The following AGMO variants were observed in gnomAD, a reference collection of about 807,000 sequenced individuals.
AGMO encodes glyceryl-ether monooxygenase.
AGMO carries 75 observed loss-of-function variants against 60.2 expected under a neutral mutation model. That is an observed-to-expected ratio of 1.25 (90% CI 1.03 to 1.51). AGMO has a LOEUF of 1.51. Among genes scored for constraint, AGMO ranks in the 40% most tolerant of loss-of-function variants. The pLI, the probability that AGMO is intolerant of heterozygous loss-of-function variation, is 0.00. For synonymous variants in AGMO, 261 were observed against 177.1 expected, an observed-to-expected ratio of 1.47 and a Z score of -3.76; for missense variants, 763 against 525.5, an observed-to-expected ratio of 1.45 and a Z score of -4.42.
chr7:15,330,071 T>G (rs539841298), intron 12 of AGMO, among the ~76,000 whole-genome samples: 191 of 151,100 alleles, frequency 1.3e-3, no homozygotes, highest in African/African-American at 4.5e-3. Flanking sequence ...TCTTTTTTCT[T>G]TCTATCTCTA....
At chr7:15,450,418 T>C (rs1781827823) in intron 3 of AGMO, among the ~76,000 whole-genome samples, 2 of 138,950 alleles carry the variant, frequency 1.4e-5, no homozygotes, top group African/African-American at 5.4e-5. Flanking sequence ...AGTCTCCATC[T>C]CAAAAAAAAA....
At chr7:15,551,236 C>T (rs1405335305) in intron 2 of AGMO, among the ~76,000 whole-genome samples, 1 of 152,112 alleles carries the variant, frequency 6.6e-6, no homozygotes, top group Non-Finnish European at 1.5e-5. Context: ...AAACTGGAAG[C>T]ATTCCCTTTG....
intron 5 of AGMO, among the ~76,000 whole-genome samples, chr7:15,406,286 G>GTGTGTATATATATGGAATATATATATATA (rs1784684640): frequency 2.1e-5 from 3 of 143,518 alleles, no homozygotes; most frequent in Non-Finnish European, 3.0e-5. Flanking sequence ...GTACACATAT[G>GTGTGTATATATATGGAATATATATATATA]TGTGTATATA....
At chr7:15,333,093 T>G (rs373010094) in intron 12 of AGMO, among the ~76,000 whole-genome samples, 7 of 152,262 alleles carry the variant, frequency 4.6e-5, no homozygotes, top group African/African-American at 1.7e-4. Context: ...CATAATATCC[T>G]GCGCTAATGT....
At chr7:15,415,238 A>G (rs2128493402) in intron 5 of AGMO, among the ~76,000 whole-genome samples, 1 of 152,020 alleles carries the variant, frequency 6.6e-6, no homozygotes, top group Non-Finnish European at 1.5e-5. Context: ...CTGGGACTAC[A>G]GGCACCCGCC....
intron 12 of AGMO, among the ~76,000 whole-genome samples, chr7:15,287,110 C>T (rs185025461): frequency 1.3e-5 from 2 of 152,216 alleles, no homozygotes; most frequent in Admixed American, 1.3e-4. Context: ...TAGAAAACTA[C>T]ATACTGGGTA....
At chr7:15,177,181 A>T in the AGMO span, among the ~76,000 whole-genome samples, 1 of 152,122 alleles carries the variant, frequency 6.6e-6, no homozygotes, top group South Asian at 2.1e-4. Flanking sequence ...ATTAAAGGGC[A>T]TAGCTACATT....
intron 2 of AGMO, among the ~76,000 whole-genome samples, chr7:15,551,515 A>T (rs1176568333): frequency 7.3e-6 from 1 of 137,598 alleles, no homozygotes; most frequent in Non-Finnish European, 1.5e-5. Context: ...GCATTCTTAT[A>T]CACCAACAAC....
intron 12 of AGMO, among the ~76,000 whole-genome samples, chr7:15,316,154 A>G (rs1780918213): frequency 6.6e-6 from 1 of 152,162 alleles, no homozygotes; most frequent in Non-Finnish European, 1.5e-5. Flanking sequence ...GCATCTTGGT[A>G]TTGGAGTTGC....
chr7:15,429,008 C>T (rs533190887), intron 4 of AGMO, among the ~76,000 whole-genome samples: 2 of 152,158 alleles, frequency 1.3e-5, no homozygotes, highest in Middle Eastern at 3.4e-3. Context: ...TCCTCCATCA[C>T]GTGCCCTGTT....
the AGMO span, among the ~76,000 whole-genome samples, chr7:15,188,050 AAT>A: frequency 6.6e-6 from 1 of 152,148 alleles, no homozygotes; most frequent in African/African-American, 2.4e-5. Context: ...CAAGCTTGCA[AAT>A]GAGACCCGCT....
chr7:15,361,456 C>G (rs1326005964), intron 12 of AGMO, among the ~76,000 whole-genome samples: 2 of 146,764 alleles, frequency 1.4e-5, no homozygotes, highest in Non-Finnish European at 3.0e-5. Context: ...GGGAGAATGG[C>G]GTGAACCTGG....
At chr7:15,536,225 A>G (rs928595212) in intron 3 of AGMO, among the ~76,000 whole-genome samples, 2 of 151,926 alleles carry the variant, frequency 1.3e-5, no homozygotes, top group African/African-American at 4.8e-5. Context: ...AAACTAAGAC[A>G]TAGATTAAAC....
At chr7:15,230,227 G>A (rs2128499238) in intron 12 of AGMO, among the ~76,000 whole-genome samples, 1 of 152,216 alleles carries the variant, frequency 6.6e-6, no homozygotes, top group Non-Finnish European at 1.5e-5. Context: ...AAAATTTTGT[G>A]ACAGAAATGG....
chr7:15,462,050 T>C (rs573975306), intron 3 of AGMO, among the ~76,000 whole-genome samples: 9 of 118,196 alleles, frequency 7.6e-5, no homozygotes, highest in African/African-American at 2.7e-4. Context: ...AGAAGAATCC[T>C]ACTTGGAAAA....
chr7:15,498,352 T>A (rs1434697444), intron 3 of AGMO, among the ~76,000 whole-genome samples: 1 of 150,562 alleles, frequency 6.6e-6, no homozygotes, highest in Non-Finnish European at 1.5e-5. Context: ...AGTCTAACTA[T>A]TTTTTGCATC....
the AGMO span, among the ~76,000 whole-genome samples, chr7:15,162,629 G>A: frequency 6.6e-6 from 1 of 152,102 alleles, no homozygotes; most frequent in African/African-American, 2.4e-5. Flanking sequence ...AGGAGGTTGA[G>A]GCTACATTGA....
chr7:15,251,787 C>T (rs1444687523), intron 12 of AGMO, among the ~76,000 whole-genome samples: 1 of 152,144 alleles, frequency 6.6e-6, no homozygotes, highest in Admixed American at 6.5e-5. Context: ...AGTGCAAGAA[C>T]TAATGGACAA....
At chr7:15,366,945 T>C (rs1293279881) in intron 10 of AGMO, among the ~76,000 whole-genome samples, 1 of 152,042 alleles carries the variant, frequency 6.6e-6, no homozygotes, top group Non-Finnish European at 1.5e-5. Flanking sequence ...GATTTCTAAC[T>C]TGCAAATATG....
Sources: allele counts gnomAD v4.1 joint callset (sites outside exome capture counted in the v4.1 genomes callset), GRCh38; gene constraint gnomAD v4.1.1; transcripts MANE v1.5; gene names NCBI Gene and HGNC (gene_info 2026-07-23, HGNC 2026-07-21).